The following SPATA6 variants were observed in gnomAD, a reference collection of about 807,000 sequenced individuals.
SPATA6 encodes spermatogenesis associated 6.
SPATA6 carries 56 observed loss-of-function variants against 65.3 expected under a neutral mutation model. The observed-to-expected ratio is 0.86, with a 90% CI of 0.69 to 1.07. The LOEUF is 1.07. Ranked by LOEUF, SPATA6 falls within the 50% of genes least tolerant of loss-of-function variation. The pLI is 0.00. For missense variants in SPATA6, 590 were observed against 594.8 expected (o/e 0.99, Z 0.08); for synonymous variants, 199 against 213.2 (o/e 0.93, Z 0.58).
the SPATA6 span, among the ~76,000 whole-genome samples, chr1:48,285,489 A>C: frequency 6.6e-6 from 1 of 151,950 alleles, no homozygotes; most frequent in South Asian, 2.1e-4. Flanking sequence ...AAAAAAAAAA[A>C]AAAAAAAACT....
chr1:48,442,717 T>TAAAAAAAAA (rs71056669), intron 3 of SPATA6, among the ~76,000 whole-genome samples: 6 of 46,218 alleles, frequency 1.3e-4, no homozygotes, highest in African/African-American at 5.5e-4. Context: ...ATGGAAGTAG[T>TAAAAAAAAA]AAAAAAAAAA....
downstream of SPATA6, among the ~76,000 whole-genome samples, chr1:48,291,113 C>A (rs1004358080): frequency 1.3e-5 from 2 of 152,204 alleles, no homozygotes; most frequent in African/African-American, 4.8e-5. Context: ...CACTCCTCAG[C>A]AAATGTTAAA....
At chr1:48,436,720 TAC>T (rs1654974053) in intron 3 of SPATA6, 1 of 1,614,222 alleles carries the variant, frequency 6.2e-7, no homozygotes, top group African/African-American at 1.3e-5. Flanking sequence ...GTCAGATATT[TAC>T]AGTGTTGGGA....
intron 11 of SPATA6, among the ~76,000 whole-genome samples, chr1:48,314,041 C>T (rs571364235): frequency 6.6e-6 from 1 of 152,198 alleles, no homozygotes; most frequent in African/African-American, 2.4e-5. Context: ...ATTCATAAAG[C>T]AAGTCCTTAG....
chr1:48,309,711 T>C (rs1645152142), intron 11 of SPATA6, among the ~76,000 whole-genome samples: 1 of 152,222 alleles, frequency 6.6e-6, no homozygotes, highest in Non-Finnish European at 1.5e-5. Flanking sequence ...ATTCTAGTTA[T>C]TAGCATAGTG....
intron 9 of SPATA6, among the ~76,000 whole-genome samples, chr1:48,361,072 G>A (rs1646799093): frequency 6.6e-6 from 1 of 152,048 alleles, no homozygotes; most frequent in Non-Finnish European, 1.5e-5. Context: ...GCAGAGTTTG[G>A]GGGAAAGTCC....
At chr1:48,351,174 A>G (rs1646504491) in intron 11 of SPATA6, among the ~76,000 whole-genome samples, 1 of 151,832 alleles carries the variant, frequency 6.6e-6, no homozygotes, top group Non-Finnish European at 1.5e-5. Flanking sequence ...TGGTATATAG[A>G]AAAAAAATTG....
chr1:48,305,237 A>T (rs1645032576), intron 12 of SPATA6, among the ~76,000 whole-genome samples: 2 of 152,196 alleles, frequency 1.3e-5, no homozygotes, highest in South Asian at 4.1e-4. Context: ...AGGAAGGTGA[A>T]AGCTATATAT....
chr1:48,291,584 G>C (rs1419883292), downstream of SPATA6, among the ~76,000 whole-genome samples: 1 of 151,974 alleles, frequency 6.6e-6, no homozygotes, highest in Non-Finnish European at 1.5e-5. Context: ...CTCCCTCTGT[G>C]CCCACCTGCC....
chr1:48,436,453 AAC>A (rs1470272067), intron 3 of SPATA6: 1 of 1,607,566 alleles, frequency 6.2e-7, no homozygotes, highest in East Asian at 2.2e-5. Flanking sequence ...TTTAATAAGA[AAC>A]ATTATCTTTG....
intron 3 of SPATA6, among the ~76,000 whole-genome samples, chr1:48,419,102 A>C (rs1188731256): frequency 6.6e-6 from 1 of 152,226 alleles, no homozygotes; most frequent in Non-Finnish European, 1.5e-5. Flanking sequence ...TGAGTAATCA[A>C]AACAGTGGTA....
intron 5 of SPATA6, among the ~76,000 whole-genome samples, chr1:48,406,396 A>T (rs1381927742): frequency 6.6e-6 from 1 of 152,230 alleles, no homozygotes; most frequent in Admixed American, 6.5e-5. Flanking sequence ...ACTATCAAAT[A>T]CTTTTTAGAA....
intron 10 of SPATA6, among the ~76,000 whole-genome samples, chr1:48,358,311 T>C (rs1646713093): frequency 6.6e-6 from 1 of 151,846 alleles, no homozygotes; most frequent in Admixed American, 6.6e-5. Context: ...CTGCAAAATA[T>C]GTGAAAAGGT....
intron 11 of SPATA6, among the ~76,000 whole-genome samples, chr1:48,347,533 T>C (rs1469777818): frequency 2.7e-5 from 4 of 146,530 alleles, no homozygotes; most frequent in African/African-American, 5.0e-5. Context: ...AAATTAATTA[T>C]AGTAATTAAT....
At chr1:48,466,799 A>G (rs2787872) in intron 1 of SPATA6, among the ~76,000 whole-genome samples, 148,644 of 152,112 alleles carry the variant, frequency 0.98, 72,714 homozygotes, top group East Asian at 1. Flanking sequence ...AAAGATAAAT[A>G]TTCAGATGAG....
chr1:48,442,717 TAAAAAAAAAAAAA>T (rs71056669), intron 3 of SPATA6, among the ~76,000 whole-genome samples: 3 of 46,212 alleles, frequency 6.5e-5, no homozygotes, highest in East Asian at 8.6e-4. Flanking sequence ...ATGGAAGTAG[TAAAAAAAAAAAAA>T]AAAAAAAAAA....
the SPATA6 span, among the ~76,000 whole-genome samples, chr1:48,280,989 T>C: frequency 2.6e-5 from 4 of 152,108 alleles, no homozygotes; most frequent in Non-Finnish European, 5.9e-5. Context: ...TCCACCATGA[T>C]CAAGTGGGCT....
At chr1:48,435,110 A>G (rs895543078) in intron 3 of SPATA6, among the ~76,000 whole-genome samples, 2 of 152,096 alleles carry the variant, frequency 1.3e-5, no homozygotes, top group South Asian at 2.1e-4. Context: ...ATAGAATTGG[A>G]AAGTTCTATA....
chr1:48,292,275 G>T (rs1185227780), downstream of SPATA6, among the ~76,000 whole-genome samples: 1 of 152,218 alleles, frequency 6.6e-6, no homozygotes, highest in Non-Finnish European at 1.5e-5. Context: ...GATGCCAACT[G>T]CTGTAACCTG....
Sources: gnomAD v4.1 joint callset for allele counts (sites outside exome capture counted in the v4.1 genomes callset) on GRCh38, gnomAD v4.1.1 for gene constraint, MANE v1.5 for transcripts, NCBI Gene and HGNC (gene_info 2026-07-23, HGNC 2026-07-21) for gene names.